The following MAP3K20 variants were observed in gnomAD, a reference collection of about 807,000 sequenced individuals.
MAP3K20 encodes the protein mitogen-activated protein kinase kinase kinase 20, also known as HCCS-4.
A neutral mutation model predicts 85.7 loss-of-function variants in MAP3K20; 40 were observed. The ratio of observed to expected loss-of-function variants is 0.47; its 90% CI spans 0.36 to 0.61. MAP3K20 has a LOEUF of 0.61. Ranked by LOEUF, MAP3K20 falls within the 20% of genes least tolerant of loss-of-function variation. MAP3K20 has a pLI of 0.00. For missense variants in MAP3K20, 817 were observed against 961.7 expected (o/e 0.85, Z 1.99); for synonymous variants, 325 against 327.7 (o/e 0.99, Z 0.09).
At chr2:173,234,874 T>C (rs1046023015) in intron 14 of MAP3K20, among the ~76,000 whole-genome samples, 2 of 152,208 alleles carry the variant, frequency 1.3e-5, no homozygotes, top group Non-Finnish European at 2.9e-5. Context: ...GTTTACACTT[T>C]GCTTCTGGAA....
At chr2:173,262,684 C>G (rs1226289906) in intron 18 of MAP3K20, among the ~76,000 whole-genome samples, 1 of 152,102 alleles carries the variant, frequency 6.6e-6, no homozygotes, top group Admixed American at 6.5e-5. Context: ...AGTTTTACAG[C>G]AGTTATTTAT....
At position 173,229,713 on chromosome 2, in the gene MAP3K20, G is replaced by T; in HGVS notation, c.1012G>T (p.Ala338Ser). Residue 338 changes from alanine (A) to serine (S), a missense_variant, in exon 12 of 20, where the codon GCA becomes TCA. Around this residue, in one of 4 missense-constraint regions of MAP3K20, gnomAD observed 158 missense variants for 162.0 expected, o/e 0.98. Transcript: ENST00000375213. ...TPLLPSFEIG[A>S]WTEDDVYCWV... ...GCTGCTGCCTTCCTTTGAGATTGGT[G>T]CATGGACGGAAGACGATGTGGTAAG... The T allele has an allele frequency of 1.2e-6, 2 of 1,613,976 alleles. No homozygotes were observed. Among genetic ancestry groups the T allele is most frequent in the Non-Finnish European group, 1.7e-6 (2 of 1,179,980 alleles).
intron 3 of MAP3K20, among the ~76,000 whole-genome samples, chr2:173,172,154 G>A (rs918840475): frequency 2.6e-5 from 4 of 152,134 alleles, no homozygotes; most frequent in South Asian, 2.1e-4. Context: ...CTGGAAATGA[G>A]CACAAATAAG....
chr2:173,232,523 A>T (rs1684546603), intron 14 of MAP3K20, 64 bp downstream of exon 14: 2 of 1,589,330 alleles, frequency 1.3e-6, no homozygotes, highest in Non-Finnish European at 1.7e-6. Context: ...GTTTTTTTTG[A>T]GGCAGAGTCT....
chr2:173,214,992 AAGG>A (rs1207937227), intron 10 of MAP3K20, among the ~76,000 whole-genome samples: 3 of 152,166 alleles, frequency 2.0e-5, no homozygotes, highest in Admixed American at 6.5e-5. Context: ...CAGATTGAGG[AAGG>A]AGATTTACTT....
chr2:173,222,231 A>G, intron 11 of MAP3K20: 2 of 985,812 alleles, frequency 2.0e-6, no homozygotes, highest in South Asian at 4.7e-5. Context: ...GAAAGAATTG[A>G]TAGTACAAAA....
intron 2 of MAP3K20, among the ~76,000 whole-genome samples, chr2:173,102,049 CCTT>C (rs1436475847): frequency 3.3e-5 from 5 of 152,172 alleles, no homozygotes; most frequent in Admixed American, 2.6e-4. Context: ...ACAAATCTTA[CCTT>C]CTTCCATGTA....
chr2:173,218,126 T>C (rs1488345381), intron 11 of MAP3K20, among the ~76,000 whole-genome samples: 1 of 152,238 alleles, frequency 6.6e-6, no homozygotes, highest in Non-Finnish European at 1.5e-5. Flanking sequence ...ATAGTTGCTA[T>C]GGTGATGCCA....
intron 14 of MAP3K20, among the ~76,000 whole-genome samples, chr2:173,237,929 G>T (rs1483319551): frequency 6.6e-6 from 1 of 152,132 alleles, no homozygotes; most frequent in Non-Finnish European, 1.5e-5. Context: ...ACTTTGAGAG[G>T]CCAAGGCAGG....
intron 2 of MAP3K20, among the ~76,000 whole-genome samples, chr2:173,129,162 C>T (rs1688536756): frequency 6.6e-6 from 1 of 152,010 alleles, no homozygotes; most frequent in Non-Finnish European, 1.5e-5. Flanking sequence ...CTCGTGACCT[C>T]GTGATCTGCC....
chr2:173,079,130 A>T (rs527531130), intron 1 of MAP3K20, among the ~76,000 whole-genome samples: 1 of 152,242 alleles, frequency 6.6e-6, no homozygotes, highest in East Asian at 1.9e-4. Flanking sequence ...AGCCTACTAC[A>T]CACCTAGGCT....
At chr2:173,166,057 C>T (rs946246365) in intron 2 of MAP3K20, among the ~76,000 whole-genome samples, 11 of 152,276 alleles carry the variant, frequency 7.2e-5, no homozygotes, top group African/African-American at 1.2e-4. Flanking sequence ...CAAACAGAAA[C>T]GCTGTACCCA....
intron 2 of MAP3K20, among the ~76,000 whole-genome samples, chr2:173,158,385 C>G (rs1308206787): frequency 3.9e-5 from 6 of 152,202 alleles, no homozygotes; most frequent in Non-Finnish European, 7.4e-5. Flanking sequence ...GGCAGGTGAC[C>G]TGGCATCAGA....
At chr2:173,244,605 T>TA (rs1261044562) in intron 16 of MAP3K20, among the ~76,000 whole-genome samples, 1 of 151,988 alleles carries the variant, frequency 6.6e-6, no homozygotes, top group African/African-American at 2.4e-5. Flanking sequence ...AAATATGTGC[T>TA]AGATCTCACA....
At position 173,152,114 on chromosome 2, in the gene MAP3K20, C is replaced by A. The variant is rs925006336; in HGVS notation, c.160-17691C>A. 2.6e-5 allele frequency among the ~76,000 whole-genome samples: 4 copies of A among 152,202 alleles called. No individual in the cohort carries two copies. In the East Asian group the frequency reaches 7.7e-4, roughly 29 times the overall value. On this transcript the variant is annotated intron_variant, in intron 2 of 19. Transcript: ENST00000375213. Reference sequence around the variant, plus strand: ...TGTTGATGTTCTAATTTATTTTCTTCATCTCTGGGCTCACTGTTGGACCAC... The same window carrying A: ...TGTTGATGTTCTAATTTATTTTCTTAATCTCTGGGCTCACTGTTGGACCAC...
intron 2 of MAP3K20, among the ~76,000 whole-genome samples, chr2:173,167,749 T>G (rs1371201735): frequency 6.6e-6 from 1 of 152,158 alleles, no homozygotes; most frequent in African/African-American, 2.4e-5. Context: ...ATCTTAAATA[T>G]AAACATGGAA....
chr2:173,144,287 C>T (rs1238014524), intron 2 of MAP3K20, among the ~76,000 whole-genome samples: 2 of 151,794 alleles, frequency 1.3e-5, no homozygotes, highest in African/African-American at 4.8e-5. Flanking sequence ...CACAGTGAAA[C>T]CCCATCTCTA....
At chr2:173,188,408 A>G (rs1445086631) in intron 5 of MAP3K20, among the ~76,000 whole-genome samples, 1 of 152,194 alleles carries the variant, frequency 6.6e-6, no homozygotes, top group African/African-American at 2.4e-5. Flanking sequence ...AATTATTTAC[A>G]TGCTTTCTAA....
chr2:173,233,902 C>A (rs1684585430), intron 14 of MAP3K20, among the ~76,000 whole-genome samples: 1 of 152,180 alleles, frequency 6.6e-6, no homozygotes, highest in Non-Finnish European at 1.5e-5. Context: ...AGAAAGAGGA[C>A]CTTGCTGTCT....
Sources: gnomAD v4.1 joint callset for allele counts (sites outside exome capture counted in the v4.1 genomes callset) on GRCh38, gnomAD v4.1.1 for gene constraint, gnomAD v4.1.1 regional missense constraint, MANE v1.5 for transcripts, NCBI Gene and HGNC (gene_info 2026-07-23, HGNC 2026-07-21) for gene names.